The following AFAP1 variants were observed in gnomAD, a reference collection of about 807,000 sequenced individuals.
AFAP1 encodes the protein actin filament-associated protein 1.
AFAP1 carries 75 observed loss-of-function variants against 93.9 expected under a neutral mutation model. The observed-to-expected ratio is 0.80, with a 90% CI of 0.66 to 0.97. The LOEUF (loss-of-function observed/expected upper bound fraction) is 0.97, where lower values mean the gene tolerates loss of function less well. AFAP1 is among the 50% of genes least tolerant of loss of function. AFAP1 has a pLI of 0.00. For missense variants in AFAP1, 1,201 were observed against 1,050.8 expected, an observed-to-expected ratio of 1.14 and a Z score of -1.98; for synonymous variants, 517 against 430.7, an observed-to-expected ratio of 1.20 and a Z score of -2.48.
chr4:7,778,200 T>C lies in AFAP1; in HGVS notation c.1897+562A>G, dbSNP rs150726435. 5.8e-3 allele frequency: 932 copies of C among 160,932 alleles called. 14 individuals are homozygous for C. The highest frequency in any genetic ancestry group is 0.018 in the African/African-American group (752 of 41,600). The allele number at this position is 160,932 out of a possible 1,614,324, so 10.0% of individuals were successfully genotyped here. ...ATGATGGGGTAGAGGATAATGCCTA[T>C]GCTTACAAAGTGGCTGTGGGAAGTA... On this transcript the variant is annotated intron_variant, in intron 14 of 17. Coordinates refer to ENST00000420658, the MANE Select transcript of AFAP1 (RefSeq NM_001134647.2).
chr4:7,897,790 C>A (rs1347779526), intron 1 of AFAP1, among the ~76,000 whole-genome samples: 1 of 152,046 alleles, frequency 6.6e-6, no homozygotes, highest in Non-Finnish European at 1.5e-5. Context: ...TCCCAAAGTG[C>A]TGGAATAAGT....
chr4:7,822,530 C>G (rs1218070870), intron 6 of AFAP1, among the ~76,000 whole-genome samples: 1 of 151,860 alleles, frequency 6.6e-6, no homozygotes, highest in Admixed American at 6.6e-5. Context: ...AACCCATGAT[C>G]TCTGGCAAAT....
Position 7,760,774 on chromosome 4 carries a change from A to G in AFAP1, c.*2991T>C, listed in dbSNP as rs1713665301. ...GAGTGACACTGTGGCTCAAGGTTAG[A>G]ATGGAAGGAGCCCTGAGCCCCGCAG... On this transcript the variant is annotated 3_prime_UTR_variant, in exon 18 of 18. Transcript: ENST00000420658. 1 of 152,298 alleles carries G rather than the reference A, an allele frequency of 6.6e-6. No homozygotes were observed. The highest frequency in any genetic ancestry group is 2.4e-5 in the African/African-American group (1 of 41,476). The allele number at this position is 152,298 out of a possible 1,614,324, so 9.4% of individuals were successfully genotyped here.
At chr4:7,854,029 C>G (rs1016979747) in intron 4 of AFAP1, among the ~76,000 whole-genome samples, 2 of 152,108 alleles carry the variant, frequency 1.3e-5, no homozygotes, top group Non-Finnish European at 2.9e-5. Flanking sequence ...CAAACAATCA[C>G]TCTGTTTCCA....
chr4:7,895,564 A>G (rs1430353908), intron 1 of AFAP1, among the ~76,000 whole-genome samples: 1 of 152,178 alleles, frequency 6.6e-6, no homozygotes, highest in Non-Finnish European at 1.5e-5. Context: ...CCTCCCTTAC[A>G]TGTTTCATGC....
At chr4:7,884,346 T>C (rs972986302) in intron 1 of AFAP1, among the ~76,000 whole-genome samples, 1 of 151,200 alleles carries the variant, frequency 6.6e-6, no homozygotes, top group Non-Finnish European at 1.5e-5. Context: ...TATCAACAAA[T>C]TTTGTTTTGT....
chr4:7,819,203 C>T, intron 6 of AFAP1, 32 bp from the exon 7 acceptor site: 5 of 1,567,094 alleles, frequency 3.2e-6, no homozygotes, highest in Admixed American at 1.8e-5. Context: ...TGTGAGTATG[C>T]CCAAAGGCAG....
At chr4:7,890,251 C>G (rs1050085950) in intron 1 of AFAP1, among the ~76,000 whole-genome samples, 2 of 152,050 alleles carry the variant, frequency 1.3e-5, no homozygotes, top group Non-Finnish European at 2.9e-5. Flanking sequence ...TGACTTTTGA[C>G]AAAGATGCCA....
rs371398917 is a variant in AFAP1 at position 7,764,059 on chromosome 4, G to A, written c.2419-268C>T. On this transcript the variant is annotated intron_variant, in intron 17 of 17. Coordinates refer to ENST00000420658, the MANE Select transcript of AFAP1 (RefSeq NM_001134647.2). Reference sequence around the variant, plus strand: ...AGGCAGAGGAAACCCAGTGTCCACCGATGGATAGACATGTAAAACATGGCG... The same window carrying A: ...AGGCAGAGGAAACCCAGTGTCCACCAATGGATAGACATGTAAAACATGGCG... Among the ~76,000 whole-genome samples, 18 of 152,336 alleles carry A rather than the reference G, an allele frequency of 1.2e-4. No individual in the cohort carries two copies. In the East Asian group the frequency reaches 1.3e-3, roughly 11 times the overall value.
chr4:7,907,585 C>A (rs1312929774), intron 1 of AFAP1, among the ~76,000 whole-genome samples: 2 of 152,196 alleles, frequency 1.3e-5, no homozygotes, highest in Non-Finnish European at 2.9e-5. Context: ...AGCACCCATA[C>A]AGGACCAGTC....
chr4:7,773,001 G>T lies in AFAP1; in HGVS notation c.2072C>A (p.Pro691Gln), dbSNP rs534092735. 1.9e-6 allele frequency: 3 copies of T among 1,609,292 alleles called. No homozygotes were observed. Among genetic ancestry groups the T allele is most frequent in the Non-Finnish European group, 2.5e-6 (3 of 1,179,874 alleles). The change falls in exon 16 of 18, where the codon CCG (proline) becomes CAG (glutamine). Residue 691 changes from proline (P) to glutamine (Q), a missense_variant. Physicochemically the swap from Pro to Gln is moderately conservative, Grantham distance 76 (BLOSUM62 -1). Transcript: ENST00000420658. ...CAGCTTCTCCTCCAGGATCGCCTGC[G>T]GCTTCCTGCCTGGAATTCCCAGAAA... ...AAIEVNAGRK[P>Q]QAILEEKLKQ...
At chr4:7,818,533 T>A (rs1720687570) in intron 7 of AFAP1, among the ~76,000 whole-genome samples, 1 of 152,130 alleles carries the variant, frequency 6.6e-6, no homozygotes, top group Admixed American at 6.5e-5. Flanking sequence ...TCAGTTGGAT[T>A]TAGACAAGCA....
In AFAP1 at chr4:7,825,577, G is replaced by T. The variant is rs543332922; in HGVS notation, c.727-6406C>A. Among the ~76,000 whole-genome samples the T allele has an allele frequency of 2.6e-5, 4 of 152,236 alleles. No homozygotes were observed. The South Asian group carries it at 6.2e-4, about 24-fold the overall frequency. On this transcript the variant is annotated intron_variant, in intron 6 of 17. Transcript: ENST00000420658. ...AGTACAAAATATCAAAACGTAGAGGGTGCCGTTAACACTGTGTGTAGAATG... is the reference window on the plus strand; with the variant it reads ...AGTACAAAATATCAAAACGTAGAGGTTGCCGTTAACACTGTGTGTAGAATG...
intron 1 of AFAP1, among the ~76,000 whole-genome samples, chr4:7,889,697 T>C (rs1312409268): frequency 1.0e-5 from 1 of 98,442 alleles, no homozygotes; most frequent in South Asian, 2.8e-4. Context: ...AGCGTTTTTT[T>C]TTTTTTTAAA....
chr4:7,830,250 C>T (rs6446629), intron 6 of AFAP1, among the ~76,000 whole-genome samples: 126,769 of 152,216 alleles, frequency 0.83, 53,343 homozygotes, highest in African/African-American at 0.95. Flanking sequence ...TCTCCTGCAC[C>T]GCTGGGAGAA....
At chr4:7,915,038 C>T (rs1471090563) in intron 1 of AFAP1, among the ~76,000 whole-genome samples, 1 of 152,202 alleles carries the variant, frequency 6.6e-6, no homozygotes. Flanking sequence ...GCGTGATCCA[C>T]CGACCCAGCT....
chr4:7,801,993 T>C (rs1433028028), intron 9 of AFAP1, among the ~76,000 whole-genome samples: 1 of 151,284 alleles, frequency 6.6e-6, no homozygotes, highest in Non-Finnish European at 1.5e-5. Flanking sequence ...TGTTTCTTAC[T>C]GCTTTTATGT....
At chr4:7,875,844 C>T (rs1474684674) in intron 1 of AFAP1, among the ~76,000 whole-genome samples, 5 of 152,004 alleles carry the variant, frequency 3.3e-5, no homozygotes, top group South Asian at 2.1e-4. Context: ...GCAAATATTA[C>T]GAGTCTACTT....
Position 7,843,303 on chromosome 4 carries a change from C to A in AFAP1, c.382G>T (p.Glu128Ter). 6.2e-7 allele frequency: 1 copy of A among 1,614,112 alleles called. No homozygotes were observed. Among genetic ancestry groups the A allele is most frequent in the Non-Finnish European group, 8.5e-7 (1 of 1,180,000 alleles). ...MSSSYESYDE[E>*]EEDGKGKKTR... ...TTCTTCCCCTTCCCATCCTCCTCCT[C>A]TTCATCATACGACTCATAAGAGCTG... Residue 128 changes from glutamate (E) to a stop codon, truncating the protein, a stop_gained, in exon 5 of 18, where the codon GAG becomes TAG. Coordinates refer to ENST00000420658, the MANE Select transcript of AFAP1 (RefSeq NM_001134647.2). LOFTEE classifies it high-confidence loss of function.
Sources: allele counts gnomAD v4.1 joint callset (sites outside exome capture counted in the v4.1 genomes callset), GRCh38; gene constraint gnomAD v4.1.1; transcripts MANE v1.5; gene names NCBI Gene and HGNC (gene_info 2026-07-23, HGNC 2026-07-21).